The following SGCD variants were observed in gnomAD, a reference collection of about 807,000 sequenced individuals.
SGCD encodes the protein sarcoglycan delta.
In SGCD, 18 loss-of-function variants were observed where a neutral mutation model predicts 36.6. The observed-to-expected ratio is 0.49, with a 90% CI of 0.34 to 0.73. SGCD has a LOEUF of 0.73. Ranked by LOEUF, SGCD falls within the 30% of genes least tolerant of loss-of-function variation. SGCD has a pLI of 0.01. For synonymous variants in SGCD, 133 were observed against 130.6 expected (o/e 1.02, Z -0.12); for missense variants, 387 against 346.7 (o/e 1.12, Z -0.92).
chr5:156,425,378 C>T (rs1773628578), intron 3 of SGCD, among the ~76,000 whole-genome samples: 2 of 152,138 alleles, frequency 1.3e-5, no homozygotes, highest in South Asian at 4.1e-4. Flanking sequence ...TCATTATTAG[C>T]AATTAAACAC....
chr5:156,603,512 C>T (rs1761286183), intron 6 of SGCD, among the ~76,000 whole-genome samples: 1 of 151,904 alleles, frequency 6.6e-6, no homozygotes, highest in Non-Finnish European at 1.5e-5. Context: ...CTTTAGATTG[C>T]TTAATATAAA....
intron 3 of SGCD, among the ~76,000 whole-genome samples, chr5:156,309,055 A>G (rs1004645906): frequency 3.3e-5 from 5 of 151,990 alleles, no homozygotes; most frequent in African/African-American, 1.2e-4. Context: ...TTACCTCTCT[A>G]TTGCTGCATT....
intron 1 of SGCD, among the ~76,000 whole-genome samples, chr5:155,963,342 A>G (rs1757828884): frequency 6.6e-6 from 1 of 152,156 alleles, no homozygotes; most frequent in Non-Finnish European, 1.5e-5. Context: ...TTATAATTTT[A>G]TCAAAGCAAT....
intron 1 of SGCD, among the ~76,000 whole-genome samples, chr5:155,886,498 G>A (rs192964052): frequency 1.1e-4 from 10 of 93,692 alleles, no homozygotes; most frequent in East Asian, 3.2e-4. Flanking sequence ...GTGTGTGCGC[G>A]CACGCGCGCG....
At chr5:156,420,427 C>G (rs1382802161) in intron 3 of SGCD, among the ~76,000 whole-genome samples, 1 of 152,016 alleles carries the variant, frequency 6.6e-6, no homozygotes, top group Non-Finnish European at 1.5e-5. Context: ...TAAGCCCATG[C>G]CATTAGGAGC....
the SGCD span, among the ~76,000 whole-genome samples, chr5:155,800,370 A>T: frequency 7.2e-5 from 11 of 152,134 alleles, no homozygotes; most frequent in South Asian, 1.7e-3. Flanking sequence ...CAGGTGTATG[A>T]TATACTCTCT....
chr5:156,545,824 G>A (rs1247955688), intron 4 of SGCD, among the ~76,000 whole-genome samples: 3 of 152,130 alleles, frequency 2.0e-5, no homozygotes, highest in Non-Finnish European at 4.4e-5. Flanking sequence ...ATATGTCTGC[G>A]GGAAGCCCAA....
At chr5:156,529,258 C>T (rs935802024) in intron 4 of SGCD, among the ~76,000 whole-genome samples, 4 of 151,906 alleles carry the variant, frequency 2.6e-5, no homozygotes, top group Non-Finnish European at 5.9e-5. Context: ...AACCCCGTCT[C>T]TACTAAAAAT....
chr5:155,866,523 T>C (rs1436857979), upstream of SGCD, among the ~76,000 whole-genome samples: 1 of 152,216 alleles, frequency 6.6e-6, no homozygotes, highest in East Asian at 1.9e-4. Context: ...ACTGCTGCTG[T>C]ATGTAATATG....
At chr5:156,556,949 T>A (rs1323158493) in intron 4 of SGCD, among the ~76,000 whole-genome samples, 6 of 152,186 alleles carry the variant, frequency 3.9e-5, no homozygotes, top group Non-Finnish European at 1.5e-5. Flanking sequence ...AAATTTCACA[T>A]GTTCTAGAGT....
At chr5:156,511,097 T>C (rs1363266565) in intron 4 of SGCD, among the ~76,000 whole-genome samples, 1 of 152,240 alleles carries the variant, frequency 6.6e-6, no homozygotes, top group Non-Finnish European at 1.5e-5. Context: ...TGCAGTGCTT[T>C]CAAATCACTG....
chr5:156,510,677 G>T (rs1193339855), intron 4 of SGCD, among the ~76,000 whole-genome samples: 2 of 152,040 alleles, frequency 1.3e-5, no homozygotes, highest in East Asian at 3.9e-4. Context: ...ACAAAAATAG[G>T]CCACAGGCTG....
the SGCD span, among the ~76,000 whole-genome samples, chr5:155,776,231 CA>C: frequency 1.3e-5 from 2 of 151,966 alleles, no homozygotes; most frequent in South Asian, 4.1e-4. Context: ...TTGATAACTC[CA>C]AAAAACATAG....
intron 7 of SGCD, among the ~76,000 whole-genome samples, chr5:156,731,455 T>C (rs1756057933): frequency 6.6e-6 from 1 of 152,226 alleles, no homozygotes; most frequent in Non-Finnish European, 1.5e-5. Flanking sequence ...CTTCTGCATA[T>C]GGCTAGCCAG....
intron 4 of SGCD, among the ~76,000 whole-genome samples, chr5:156,516,480 A>G (rs1394010433): frequency 6.6e-6 from 1 of 152,176 alleles, no homozygotes; most frequent in Non-Finnish European, 1.5e-5. Context: ...AACAACATCA[A>G]CAAAAAAATA....
intron 3 of SGCD, among the ~76,000 whole-genome samples, chr5:156,501,550 C>A: frequency 6.6e-6 from 1 of 152,272 alleles, no homozygotes; most frequent in African/African-American, 2.4e-5. Flanking sequence ...AAGCAAATGC[C>A]ATAGTCTTTG....
At chr5:156,712,633 T>A (rs153843) in intron 7 of SGCD, among the ~76,000 whole-genome samples, 1 of 152,054 alleles carries the variant, frequency 6.6e-6, no homozygotes, top group African/African-American at 2.4e-5. Flanking sequence ...CAGGAAACAC[T>A]AGAGGCAAGG....
At chr5:156,672,691 G>C in intron 7 of SGCD, among the ~76,000 whole-genome samples, 1 of 152,110 alleles carries the variant, frequency 6.6e-6, no homozygotes, top group Non-Finnish European at 1.5e-5. Flanking sequence ...TTATGGGTTT[G>C]GGTCATTTTA....
chr5:156,291,680 C>T (rs1766760427), intron 3 of SGCD, among the ~76,000 whole-genome samples: 1 of 152,016 alleles, frequency 6.6e-6, no homozygotes, highest in Non-Finnish European at 1.5e-5. Flanking sequence ...TCTCACGAAA[C>T]TTGCCTTTTT....
Sources: allele counts gnomAD v4.1 joint callset (sites outside exome capture counted in the v4.1 genomes callset), GRCh38; gene constraint gnomAD v4.1.1; transcripts MANE v1.5; gene names NCBI Gene and HGNC (gene_info 2026-07-23, HGNC 2026-07-21).